Variants in MKLN1 observed in about 807,000 individuals in gnomAD.
MKLN1 encodes the protein muskelin 1.
Under a neutral mutation model 99.0 loss-of-function variants are expected in MKLN1, and 18 were observed. That is an observed-to-expected ratio of 0.18 (90% CI 0.13 to 0.27). The LOEUF (loss-of-function observed/expected upper bound fraction) is 0.27. Ranked by LOEUF, MKLN1 falls within the 10% of genes least tolerant of loss-of-function variation. MKLN1 has a pLI of 1.00. For missense variants in MKLN1, 621 were observed against 875.9 expected (o/e 0.71, Z 3.67); for synonymous variants, 288 against 293.2 (o/e 0.98, Z 0.18).
chr7:131,476,420 A>G (rs951678116), intron 16 of MKLN1, among the ~76,000 whole-genome samples: 1 of 152,196 alleles, frequency 6.6e-6, no homozygotes, highest in African/African-American at 2.4e-5. Context: ...AAAACAATAT[A>G]CTAGGACAAG....
intron 2 of MKLN1, among the ~76,000 whole-genome samples, chr7:131,148,174 G>A (rs1251366648): frequency 1.3e-5 from 2 of 151,962 alleles, no homozygotes; most frequent in African/African-American, 4.8e-5. Flanking sequence ...TCAGCTTCTC[G>A]AAGAGCTGGG....
At chr7:131,391,395 G>A (rs1794194392) in intron 4 of MKLN1, among the ~76,000 whole-genome samples, 1 of 152,156 alleles carries the variant, frequency 6.6e-6, no homozygotes, top group Non-Finnish European at 1.5e-5. Flanking sequence ...CAGTAATGGA[G>A]GGGAACAGAA....
intron 2 of MKLN1, among the ~76,000 whole-genome samples, chr7:131,149,793 C>A (rs1240476914): frequency 6.6e-6 from 1 of 152,120 alleles, no homozygotes; most frequent in Non-Finnish European, 1.5e-5. Context: ...AACTTTGAGT[C>A]CATTGGGATG....
At chr7:131,352,352 T>C (rs187970762) in intron 1 of MKLN1, among the ~76,000 whole-genome samples, 7 of 152,330 alleles carry the variant, frequency 4.6e-5, no homozygotes, top group African/African-American at 7.2e-5. Flanking sequence ...GAGTGCATAA[T>C]TGGAAAATGG....
chr7:131,223,549 T>C (rs1029731427), intron 3 of MKLN1, among the ~76,000 whole-genome samples: 26 of 152,196 alleles, frequency 1.7e-4, no homozygotes, highest in African/African-American at 6.3e-4. Context: ...TACACAGAGA[T>C]TTTTCTGTGG....
chr7:131,467,445 G>A (rs952687047), intron 15 of MKLN1, among the ~76,000 whole-genome samples: 2 of 152,148 alleles, frequency 1.3e-5, no homozygotes, highest in Non-Finnish European at 2.9e-5. Flanking sequence ...AGTTTTAAAT[G>A]AGAATATCAG....
At chr7:131,228,781 C>T (rs1241453117) in intron 3 of MKLN1, among the ~76,000 whole-genome samples, 1 of 152,222 alleles carries the variant, frequency 6.6e-6, no homozygotes, top group South Asian at 2.1e-4. Context: ...ATTTTCCCAT[C>T]ATTAACACAA....
chr7:131,477,801 C>T (rs188585251), intron 16 of MKLN1, among the ~76,000 whole-genome samples: 3 of 152,316 alleles, frequency 2.0e-5, no homozygotes, highest in African/African-American at 7.2e-5. Flanking sequence ...GTGATACTAA[C>T]TGCTCAAGTC....
At position 131,200,684 on chromosome 7, in the gene MKLN1, G is replaced by T. The variant is rs180840739; in HGVS notation, c.-296-2173G>T. Among the ~76,000 whole-genome samples, 101 of 152,236 alleles carry T rather than the reference G, an allele frequency of 6.6e-4. 1 individual carries two copies. The East Asian group carries it at 0.014, about 22-fold the overall frequency. ...AAAAGTACAGATTTTCCATGCAATG[G>T]CTCTGTTTATCTCAAAGTATTAGCA... is the stretch of plus-strand genomic sequence containing the variant. On this transcript the variant is annotated intron_variant, in intron 2 of 7. Coordinates refer to the MKLN1 transcript ENST00000416992.
intron 2 of MKLN1, among the ~76,000 whole-genome samples, chr7:131,185,526 C>T (rs1012115840): frequency 1.3e-5 from 2 of 151,576 alleles, no homozygotes; most frequent in East Asian, 1.9e-4. Flanking sequence ...AGCAGTGAGC[C>T]GAGATCGCAC....
At chr7:131,162,553 C>T (rs950172703) in intron 2 of MKLN1, among the ~76,000 whole-genome samples, 4 of 152,102 alleles carry the variant, frequency 2.6e-5, no homozygotes, top group Non-Finnish European at 5.9e-5. Context: ...AAATTATTAA[C>T]AGTATTATAT....
At chr7:131,402,023 T>G (rs1196096112) in intron 6 of MKLN1, among the ~76,000 whole-genome samples, 1 of 152,164 alleles carries the variant, frequency 6.6e-6, no homozygotes. Context: ...TGAAATTTGC[T>G]GCATCAATGA....
chr7:131,327,568 A>G (rs1798920163), upstream of MKLN1: 3 of 268,406 alleles, frequency 1.1e-5, no homozygotes, highest in South Asian at 8.1e-5. Flanking sequence ...TTCCTGCTCC[A>G]TAACTACAAC....
chr7:131,144,464 A>C (rs1795787031), intron 2 of MKLN1, among the ~76,000 whole-genome samples: 1 of 150,328 alleles, frequency 6.7e-6, no homozygotes, highest in African/African-American at 2.5e-5. Flanking sequence ...CCTGGGTGAC[A>C]GAGCAGGACT....
chr7:131,204,473 A>G (rs1444849477), intron 3 of MKLN1, among the ~76,000 whole-genome samples: 2 of 152,224 alleles, frequency 1.3e-5, no homozygotes, highest in Non-Finnish European at 2.9e-5. Flanking sequence ...CTTATATTTG[A>G]CATGTAGATG....
chr7:131,475,848 C>T (rs1796949411), intron 16 of MKLN1, among the ~76,000 whole-genome samples: 1 of 151,932 alleles, frequency 6.6e-6, no homozygotes, highest in South Asian at 2.1e-4. Context: ...CCAAGAGAGA[C>T]GTTACAAGCA....
chr7:131,207,690 G>C (rs1414047572), intron 3 of MKLN1, among the ~76,000 whole-genome samples: 1 of 152,152 alleles, frequency 6.6e-6, no homozygotes, highest in Non-Finnish European at 1.5e-5. Context: ...CATGGGCCCA[G>C]CTAACCACTG....
At chr7:131,462,695 T>G (rs866376331) in intron 12 of MKLN1, among the ~76,000 whole-genome samples, 1 of 152,242 alleles carries the variant, frequency 6.6e-6, no homozygotes, top group Non-Finnish European at 1.5e-5. Flanking sequence ...ACAGCCTCTT[T>G]CCTTGTGGAG....
chr7:131,113,880 GA>G (rs1262821024), intron 1 of MKLN1, among the ~76,000 whole-genome samples: 6 of 152,162 alleles, frequency 3.9e-5, no homozygotes, highest in South Asian at 4.1e-4. Flanking sequence ...GCTTGCGGGG[GA>G]AACTGACACT....
Sources: gnomAD v4.1 joint callset for allele counts (sites outside exome capture counted in the v4.1 genomes callset) on GRCh38, gnomAD v4.1.1 for gene constraint, MANE v1.5 for transcripts, NCBI Gene and HGNC (gene_info 2026-07-23, HGNC 2026-07-21) for gene names.